RBM11: variants seen among roughly 807,000 people sequenced by gnomAD.
The protein encoded by RBM11 is RNA binding motif protein 11.
Under a neutral mutation model 21.4 loss-of-function variants are expected in RBM11, and 18 were observed. That is an observed-to-expected ratio of 0.84 (90% CI 0.58 to 1.25). The LOEUF (loss-of-function observed/expected upper bound fraction) is 1.25. RBM11 is among the 50% of genes most tolerant of loss of function. RBM11 has a pLI of 0.00. For missense variants in RBM11, 294 were observed against 331.9 expected, an observed-to-expected ratio of 0.89 and a Z score of 0.89; for synonymous variants, 120 against 116.3, an observed-to-expected ratio of 1.03 and a Z score of -0.20.
Position 14,216,374 on chromosome 21 carries a change from C to T in RBM11, c.96+92C>T, listed in dbSNP as rs574243560. 1.1e-5 allele frequency: 11 copies of T among 1,016,242 alleles called. No homozygotes were observed. The African/African-American group carries it at 1.8e-4, about 16-fold the overall frequency. 63.0% of individuals were successfully genotyped at this position (1,016,242 alleles called of 1,614,324 possible). A position where few individuals can be genotyped will look rare whatever the true frequency, so the allele number is the denominator to read the frequency against. Reference sequence around the variant, plus strand: ...GGACCACCCGGAGCCCGGCCCCCTTCCGTCCCATCCTGAGCAGGGGTTTTA... The same window carrying T: ...GGACCACCCGGAGCCCGGCCCCCTTTCGTCCCATCCTGAGCAGGGGTTTTA... On this transcript the variant is annotated intron_variant, in intron 1 of 4. Coordinates refer to ENST00000400577, the MANE Select transcript of RBM11 (RefSeq NM_144770.5).
intron 4 of RBM11, among the ~76,000 whole-genome samples, chr21:14,226,578 C>T (rs1269437403): frequency 6.6e-6 from 1 of 151,222 alleles, no homozygotes; most frequent in African/African-American, 2.4e-5. Context: ...AAGATTTGCC[C>T]CACTGCACTC....
chr21:14,221,151 T>A lies in RBM11; in HGVS notation c.314T>A (p.Ile105Lys). ...ANQSFESCVK[I>K]NSHNYRNEEM... ...CAAAGTTTTGAGAGCTGTGTTAAGATAAATTCACACAACTACAGGTAATTT... is the reference window on the plus strand; with the variant it reads ...CAAAGTTTTGAGAGCTGTGTTAAGAAAAATTCACACAACTACAGGTAATTT... Residue 105 changes from isoleucine to lysine, a missense_variant, in exon 3 of 5, where the codon ATA becomes AAA. Physicochemically the swap from Ile to Lys is moderately radical, Grantham distance 102. This residue lies in a region of RBM11 where 181 missense variants were observed against 164.6 expected (regional missense o/e 1.10). Transcript: ENST00000400577. 2 of 1,571,344 alleles carry A rather than the reference T, an allele frequency of 1.3e-6. No homozygotes were observed. Among genetic ancestry groups the A allele is most frequent in the Non-Finnish European group, 1.7e-6 (2 of 1,157,436 alleles).
At chr21:14,220,830 T>C (rs1978605178) in intron 2 of RBM11, among the ~76,000 whole-genome samples, 1 of 152,164 alleles carries the variant, frequency 6.6e-6, no homozygotes, top group Non-Finnish European at 1.5e-5. Context: ...AACCATCATG[T>C]ATCTTACAAA....
chr21:14,228,187 C>T lies in RBM11; in HGVS notation c.*894C>T, dbSNP rs1979269224. The T allele has an allele frequency of 6.6e-6, 1 of 151,864 alleles. No homozygotes were observed. Among genetic ancestry groups the T allele is most frequent in the Non-Finnish European group, 1.5e-5 (1 of 67,980 alleles). 9.4% of individuals were successfully genotyped at this position (151,864 alleles called of 1,614,324 possible). A position where few individuals can be genotyped will look rare whatever the true frequency, so the allele number is the denominator to read the frequency against. ...ATTATTTGGGCATTTTTGTTTATAG[C>T]TCATTACAAACTAGAGTGATGAATA... On this transcript the variant is annotated 3_prime_UTR_variant, in exon 5 of 5. Coordinates refer to ENST00000400577, the MANE Select transcript of RBM11 (RefSeq NM_144770.5).
intron 1 of RBM11, among the ~76,000 whole-genome samples, chr21:14,216,963 C>T (rs927126634): frequency 6.6e-6 from 1 of 152,164 alleles, no homozygotes; most frequent in Non-Finnish European, 1.5e-5. Context: ...ATTCCCCTAA[C>T]CGTGTAATGA....
In RBM11 at chr21:14,219,636, T is replaced by C; in HGVS notation, c.170T>C (p.Phe57Ser). ...CCAAAGTCTTTTGGATTTGTCTGCT[T>C]TAAACACCCAGAATCGGTGTCTTAT... ...GKPKSFGFVC[F>S]KHPESVSYAI... Residue 57 changes from phenylalanine (F) to serine (S), a missense_variant, in exon 2 of 5, where the codon TTT (phenylalanine) becomes TCT (serine). Coordinates refer to ENST00000400577, the MANE Select transcript of RBM11 (RefSeq NM_144770.5). 6.2e-7 allele frequency: 1 copy of C among 1,607,574 alleles called. No homozygotes were observed. Among genetic ancestry groups the C allele is most frequent in the Non-Finnish European group, 8.5e-7 (1 of 1,175,516 alleles).
rs76973379 is a variant in RBM11 at position 14,221,151 on chromosome 21, T to C, written c.314T>C (p.Ile105Thr). 3,525 of 1,571,330 alleles carry C rather than the reference T, an allele frequency of 2.2e-3. 74 individuals carry two copies. In the African/African-American group the frequency reaches 0.043, roughly 19 times the overall value. Reference protein sequence around the residue: ...ANQSFESCVKINSHNYRNEEM... With the variant: ...ANQSFESCVKTNSHNYRNEEM... The stretch of plus-strand genomic sequence containing the variant: ...CAAAGTTTTGAGAGCTGTGTTAAGA[T>C]AAATTCACACAACTACAGGTAATTT... The change falls in exon 3 of 5, where the codon ATA (isoleucine) becomes ACA (threonine). Residue 105 changes from isoleucine (I) to threonine (T), a missense_variant. Physicochemically the swap from Ile to Thr is moderately conservative, Grantham distance 89. Transcript: ENST00000400577.
At chr21:14,220,272 A>G (rs570979709) in intron 2 of RBM11, among the ~76,000 whole-genome samples, 3 of 152,094 alleles carry the variant, frequency 2.0e-5, no homozygotes, top group Non-Finnish European at 2.9e-5. Context: ...GGCCTCAACA[A>G]CTTCTCCTGC....
At chr21:14,219,999 G>A (rs554838680) in intron 2 of RBM11, among the ~76,000 whole-genome samples, 1 of 152,190 alleles carries the variant, frequency 6.6e-6, no homozygotes, top group Admixed American at 6.5e-5. Context: ...GTTGCTATTG[G>A]CCCTTATAAA....
At chr21:14,221,417 T>C (rs996728485) in intron 3 of RBM11, 3 of 317,886 alleles carry the variant, frequency 9.4e-6, no homozygotes, top group Non-Finnish European at 1.7e-5. Flanking sequence ...TCTACATGCT[T>C]TTCATAGCTG....
chr21:14,224,773 T>G (rs1024589260), intron 4 of RBM11, among the ~76,000 whole-genome samples: 17 of 152,208 alleles, frequency 1.1e-4, no homozygotes, highest in Non-Finnish European at 2.9e-5. Context: ...GACGACATAC[T>G]GCAGTCCAAG....
At chr21:14,222,834 T>C (rs1978785071) in intron 3 of RBM11, among the ~76,000 whole-genome samples, 2 of 152,330 alleles carry the variant, frequency 1.3e-5, no homozygotes, top group South Asian at 2.1e-4. Context: ...ACTGTGAGAA[T>C]TGAATTTTAT....
rs1407225429 is a variant in RBM11 at position 14,223,699 on chromosome 21, G to C, written c.333-739G>C. Among the ~76,000 whole-genome samples, 5 of 152,202 alleles carry C rather than the reference G, an allele frequency of 3.3e-5. No individual in the cohort carries two copies. The East Asian group carries it at 9.6e-4, about 29-fold the overall frequency. ...TCATATGTTGAAATTTTGGTCCCCAGTGCAGCAGTGTTGAGATGTGGGACC... is the reference window on the plus strand; with the variant it reads ...TCATATGTTGAAATTTTGGTCCCCACTGCAGCAGTGTTGAGATGTGGGACC... On this transcript the variant is annotated intron_variant, in intron 3 of 4. Transcript: ENST00000400577.
Position 14,219,581 on chromosome 21 carries a change from G to A in RBM11, c.115G>A (p.Val39Met), listed in dbSNP as rs1176257506. Residue 39 changes from valine to methionine, a missense_variant, in exon 2 of 5, where the codon GTG (valine) becomes ATG (methionine). Around this residue, in one of 2 missense-constraint regions of RBM11, gnomAD observed 181 missense variants for 164.6 expected, o/e 1.10. Coordinates refer to ENST00000400577, the MANE Select transcript of RBM11 (RefSeq NM_144770.5). The part of the protein sequence containing the change: ...LFLQAGPLTK[V>M]TICKDREGKP... ...CTTATAGGCGGGGCCACTAACCAAAGTGACTATATGCAAAGACAGAGAAGG... is the reference window on the plus strand; with the variant it reads ...CTTATAGGCGGGGCCACTAACCAAAATGACTATATGCAAAGACAGAGAAGG... 5 of 1,538,096 alleles carry A rather than the reference G, an allele frequency of 3.3e-6. No homozygotes were observed. Among genetic ancestry groups the A allele is most frequent in the African/African-American group, 1.4e-5 (1 of 73,200 alleles).
At chr21:14,220,585 T>G (rs755320504) in intron 2 of RBM11, among the ~76,000 whole-genome samples, 1 of 152,188 alleles carries the variant, frequency 6.6e-6, no homozygotes, top group Non-Finnish European at 1.5e-5. Context: ...TGCATCATGC[T>G]CTCTGGTACT....
intron 3 of RBM11, among the ~76,000 whole-genome samples, chr21:14,222,803 AG>A (rs34707029): frequency 0.2 from 31,098 of 152,162 alleles, 3,294 homozygotes; most frequent in African/African-American, 0.25. Context: ...CTCTAAAATG[AG>A]GATAAAACTT....
intron 1 of RBM11, among the ~76,000 whole-genome samples, chr21:14,217,153 A>G (rs1267103862): frequency 6.6e-6 from 1 of 152,210 alleles, no homozygotes; most frequent in East Asian, 1.9e-4. Context: ...TGTGACTCTG[A>G]GCCTGTCAAT....
rs1039507816 is a variant in RBM11, at chr21:14,227,170, T to G, written c.723T>G (p.Leu241=). The G allele has an allele frequency of 9.3e-6, 15 of 1,613,930 alleles. No individual in the cohort carries two copies. Among genetic ancestry groups the G allele is most frequent in the African/African-American group, 1.3e-5 (1 of 74,942 alleles). Residue 241 remains leucine (L), a synonymous_variant, in exon 5 of 5, where the codon CTT becomes CTG. Coordinates refer to ENST00000400577, the MANE Select transcript of RBM11 (RefSeq NM_144770.5). ...WTHQQPSDSD[L]YQMNKRKRQK... is the part of the protein sequence containing the mutation. The stretch of plus-strand genomic sequence containing the variant: ...ACCAACAACCAAGTGACTCTGACCT[T>G]TATCAGATGAATAAACGAAAGAGAC...
intron 3 of RBM11, among the ~76,000 whole-genome samples, chr21:14,223,681 T>C (rs1262008636): frequency 6.6e-6 from 1 of 152,192 alleles, no homozygotes; most frequent in Non-Finnish European, 1.5e-5. Context: ...AGTTCATATG[T>C]TGAAATTTTG....
Sources: allele counts gnomAD v4.1 joint callset (sites outside exome capture counted in the v4.1 genomes callset), GRCh38; gene constraint gnomAD v4.1.1; regional missense constraint gnomAD v4.1.1; transcripts MANE v1.5; gene names NCBI Gene and HGNC (gene_info 2026-07-23, HGNC 2026-07-21).